Variants in CSMD1 observed in about 807,000 individuals in gnomAD.
CSMD1 encodes CUB and Sushi multiple domains 1, also known as CUB and sushi domain-containing protein 1.
CSMD1 carries 213 observed loss-of-function variants against 417.5 expected under a neutral mutation model. The observed-to-expected ratio is 0.51, with a 90% CI of 0.46 to 0.57. The LOEUF (loss-of-function observed/expected upper bound fraction) is 0.57. Ranked by LOEUF, CSMD1 falls within the 20% of genes least tolerant of loss-of-function variation. CSMD1 has a pLI of 0.00. For synonymous variants in CSMD1, 2,862 were observed against 1,736.8 expected (o/e 1.65, Z -16.11); for missense variants, 6,923 against 4,529.7 (o/e 1.53, Z -15.17).
intron 1 of CSMD1, among the ~76,000 whole-genome samples, chr8:4,854,829 G>T (rs1436891760): frequency 6.6e-6 from 1 of 152,196 alleles, no homozygotes; most frequent in Non-Finnish European, 1.5e-5. Context: ...CAGCAGCGAG[G>T]CTGGGGGAGG....
chr8:3,732,767 A>T (rs191931880), intron 6 of CSMD1, among the ~76,000 whole-genome samples: 9 of 152,302 alleles, frequency 5.9e-5, no homozygotes, highest in Admixed American at 3.3e-4. Flanking sequence ...CTTAATTACT[A>T]AGCTGAAACG....
chr8:3,879,124 A>C (rs1454659501), intron 5 of CSMD1, among the ~76,000 whole-genome samples: 1 of 152,184 alleles, frequency 6.6e-6, no homozygotes, highest in African/African-American at 2.4e-5. Context: ...TTAGGTGTTC[A>C]AACAATCATT....
intron 2 of CSMD1, among the ~76,000 whole-genome samples, chr8:4,557,938 A>G (rs1484615651): frequency 2.0e-5 from 3 of 152,144 alleles, no homozygotes; most frequent in African/African-American, 7.2e-5. Flanking sequence ...GGCTATGCAT[A>G]TTTTTCAGGA....
intron 3 of CSMD1, among the ~76,000 whole-genome samples, chr8:4,296,922 G>C (rs944497478): frequency 5.9e-5 from 9 of 152,086 alleles, no homozygotes; most frequent in African/African-American, 1.9e-4. Flanking sequence ...CTGTGCATGA[G>C]TGATGGACAA....
chr8:3,455,175 G>C (rs1056683522), intron 12 of CSMD1, among the ~76,000 whole-genome samples: 9 of 152,042 alleles, frequency 5.9e-5, no homozygotes, highest in Non-Finnish European at 1.5e-5. Flanking sequence ...GGTCCTTTAA[G>C]GACTTCTCTG....
At chr8:4,916,479 C>A (rs891308698) in intron 1 of CSMD1, among the ~76,000 whole-genome samples, 3 of 152,198 alleles carry the variant, frequency 2.0e-5, no homozygotes, top group African/African-American at 7.2e-5. Flanking sequence ...GTTCAACTTG[C>A]AATGTATGTT....
At chr8:4,095,347 T>C (rs1242157570) in intron 3 of CSMD1, among the ~76,000 whole-genome samples, 5 of 152,302 alleles carry the variant, frequency 3.3e-5, no homozygotes, top group African/African-American at 9.6e-5. Flanking sequence ...CTTCCTGCAT[T>C]GCCTGGTTGT....
At chr8:3,493,855 C>T in intron 10 of CSMD1, 129 bp from the exon 11 acceptor site, 1 of 635,650 alleles carries the variant, frequency 1.6e-6, no homozygotes, top group Non-Finnish European at 2.7e-6. Context: ...GATCCCAGAG[C>T]TGCTTTAAGT....
chr8:3,391,963 G>C (rs953523707), intron 17 of CSMD1, among the ~76,000 whole-genome samples: 1 of 152,032 alleles, frequency 6.6e-6, no homozygotes, highest in African/African-American at 2.4e-5. Flanking sequence ...CTTGGGTCAT[G>C]GATGAAGCTG....
chr8:4,299,898 G>A (rs1797889084), intron 3 of CSMD1, among the ~76,000 whole-genome samples: 1 of 152,098 alleles, frequency 6.6e-6, no homozygotes, highest in South Asian at 2.1e-4. Context: ...CAAACTGCTA[G>A]GATTACAGGT....
At position 3,997,892 on chromosome 8, in the gene CSMD1, C is replaced by T. The variant is rs779824340; in HGVS notation, c.818+11G>A. 1 of 1,608,104 alleles carries T rather than the reference C, an allele frequency of 6.2e-7. No individual in the cohort carries two copies. Among genetic ancestry groups the T allele is most frequent in the South Asian group, 1.1e-5 (1 of 89,724 alleles). ...CCTGTATCCTTTGTGGCATCTCTTCCCGGGACTTACCATATGGATGGAGCT... is the reference window on the plus strand; with the variant it reads ...CCTGTATCCTTTGTGGCATCTCTTCTCGGGACTTACCATATGGATGGAGCT... On this transcript the variant is annotated intron_variant, in intron 5 of 69. Transcript: ENST00000635120.
intron 3 of CSMD1, among the ~76,000 whole-genome samples, chr8:4,036,439 A>C (rs1229198526): frequency 2.0e-5 from 3 of 152,242 alleles, no homozygotes; most frequent in African/African-American, 7.2e-5. Flanking sequence ...AATATCATTA[A>C]TGAATATGAG....
At chr8:4,603,110 T>G in intron 2 of CSMD1, among the ~76,000 whole-genome samples, 1 of 151,984 alleles carries the variant, frequency 6.6e-6, no homozygotes, top group South Asian at 2.1e-4. Context: ...ATGATGAGAA[T>G]AGTTTTGGCT....
chr8:2,963,491 A>G, intron 59 of CSMD1, 96 bp from the exon 60 acceptor site: 1 of 1,255,854 alleles, frequency 8.0e-7, no homozygotes, highest in Non-Finnish European at 1.1e-6. Context: ...TGAATTACAA[A>G]TGACATCTAC....
At chr8:3,125,581 A>G (rs1056365943) in intron 41 of CSMD1, among the ~76,000 whole-genome samples, 3 of 152,244 alleles carry the variant, frequency 2.0e-5, no homozygotes, top group Admixed American at 1.3e-4. Context: ...ATTCAGCTGA[A>G]GGTCACAACT....
intron 7 of CSMD1, among the ~76,000 whole-genome samples, chr8:3,644,244 C>A (rs1436135159): frequency 6.6e-6 from 1 of 152,312 alleles, no homozygotes; most frequent in Admixed American, 6.5e-5. Flanking sequence ...GTTGAGGTGA[C>A]ACTAACAGTT....
intron 46 of CSMD1, among the ~76,000 whole-genome samples, chr8:3,098,911 G>A (rs1196960505): frequency 6.6e-6 from 1 of 150,932 alleles, no homozygotes; most frequent in African/African-American, 2.4e-5. Flanking sequence ...TAAATCTAAA[G>A]CACTATGTGG....
intron 3 of CSMD1, among the ~76,000 whole-genome samples, chr8:4,419,582 CTATCAG>C (rs1469918821): frequency 1.3e-5 from 2 of 152,156 alleles, no homozygotes; most frequent in East Asian, 1.9e-4. Context: ...TACTCAAGCA[CTATCAG>C]TATAATTGTC....
chr8:3,513,234 C>G (rs1290064600), intron 10 of CSMD1, among the ~76,000 whole-genome samples: 1 of 151,912 alleles, frequency 6.6e-6, no homozygotes, highest in Non-Finnish European at 1.5e-5. Context: ...TTAATAAATC[C>G]CCTAGTTTTC....
Sources: allele counts gnomAD v4.1 joint callset (sites outside exome capture counted in the v4.1 genomes callset), GRCh38; gene constraint gnomAD v4.1.1; transcripts MANE v1.5; gene names NCBI Gene and HGNC (gene_info 2026-07-23, HGNC 2026-07-21).